The following NKAIN2 variants were observed in gnomAD, a reference collection of about 807,000 sequenced individuals.
NKAIN2 encodes the protein sodium/potassium transporting ATPase interacting 2.
NKAIN2 carries 14 observed loss-of-function variants against 32.6 expected under a neutral mutation model. That is an observed-to-expected ratio of 0.43 (90% confidence interval 0.28 to 0.67). NKAIN2 has a LOEUF of 0.67. Among genes scored for constraint, NKAIN2 ranks in the 30% least tolerant of loss-of-function variants. NKAIN2 has a pLI of 0.17. For synonymous variants in NKAIN2, 80 were observed against 87.2 expected (o/e 0.92, Z 0.46); for missense variants, 198 against 258.3 (o/e 0.77, Z 1.60).
chr6:123,942,097 C>T (rs377128514), intron 1 of NKAIN2, among the ~76,000 whole-genome samples: 43 of 152,014 alleles, frequency 2.8e-4, no homozygotes, highest in African/African-American at 9.2e-4. Flanking sequence ...TTATTTTTTA[C>T]GTATTGCTGA....
intron 1 of NKAIN2, among the ~76,000 whole-genome samples, chr6:124,171,547 A>AT (rs10665262): frequency 0.31 from 29,610 of 95,588 alleles, 5,929 homozygotes; most frequent in East Asian, 0.4. Flanking sequence ...GGCCGATTTG[A>AT]TTTTTTTTTT....
At chr6:123,989,482 T>G (rs555837012) in intron 1 of NKAIN2, among the ~76,000 whole-genome samples, 163 of 152,246 alleles carry the variant, frequency 1.1e-3, no homozygotes, top group African/African-American at 3.9e-3. Flanking sequence ...TAAACAGAAC[T>G]CTTGCTGGGT....
intron 1 of NKAIN2, among the ~76,000 whole-genome samples, chr6:124,203,376 A>T (rs1790684794): frequency 6.6e-6 from 1 of 151,862 alleles, no homozygotes; most frequent in Non-Finnish European, 1.5e-5. Flanking sequence ...TTTTTGTTTT[A>T]CTTTTGCAAT....
intron 1 of NKAIN2, among the ~76,000 whole-genome samples, chr6:123,922,677 T>A (rs1392847037): frequency 1.3e-5 from 2 of 152,116 alleles, no homozygotes; most frequent in Non-Finnish European, 2.9e-5. Context: ...ATTTTCTCAA[T>A]GTGCATGGAT....
chr6:123,891,123 G>A (rs1773992053), intron 1 of NKAIN2, among the ~76,000 whole-genome samples: 1 of 152,142 alleles, frequency 6.6e-6, no homozygotes, highest in Non-Finnish European at 1.5e-5. Context: ...TCACTTTATA[G>A]AGTGACTGGA....
intron 1 of NKAIN2, among the ~76,000 whole-genome samples, chr6:124,009,086 C>G (rs1167338652): frequency 6.6e-6 from 1 of 152,154 alleles, no homozygotes; most frequent in Non-Finnish European, 1.5e-5. Context: ...TAACACTGAT[C>G]ACCATAAATT....
intron 1 of NKAIN2, among the ~76,000 whole-genome samples, chr6:124,126,463 T>G (rs1010090110): frequency 3.3e-5 from 5 of 152,166 alleles, no homozygotes; most frequent in Non-Finnish European, 5.9e-5. Flanking sequence ...TTCACAAACT[T>G]TCATCATCAC....
chr6:124,711,423 T>G (rs924995005), intron 4 of NKAIN2, among the ~76,000 whole-genome samples: 14 of 149,210 alleles, frequency 9.4e-5, no homozygotes, highest in Admixed American at 6.7e-4. Context: ...TTTTCTAACT[T>G]GGTTCCATTC....
At chr6:124,688,003 A>C (rs1774070733) in intron 4 of NKAIN2, among the ~76,000 whole-genome samples, 1 of 151,916 alleles carries the variant, frequency 6.6e-6, no homozygotes, top group Non-Finnish European at 1.5e-5. Flanking sequence ...ATGCTTTTGA[A>C]AAACAATTTA....
At chr6:124,426,808 C>G (rs1180768116) in intron 3 of NKAIN2, among the ~76,000 whole-genome samples, 1 of 152,100 alleles carries the variant, frequency 6.6e-6, no homozygotes, top group Non-Finnish European at 1.5e-5. Context: ...TTTCCCATGC[C>G]ATTCTCATGA....
chr6:124,014,584 T>C (rs1780481266), intron 1 of NKAIN2, among the ~76,000 whole-genome samples: 1 of 152,076 alleles, frequency 6.6e-6, no homozygotes, highest in Non-Finnish European at 1.5e-5. Context: ...TCTAGGAGTC[T>C]ATGCTTTTCT....
chr6:124,667,562 A>G (rs1772865983), intron 4 of NKAIN2, among the ~76,000 whole-genome samples: 1 of 152,102 alleles, frequency 6.6e-6, no homozygotes, highest in Non-Finnish European at 1.5e-5. Context: ...TACTGTATAT[A>G]ATATTATTGC....
rs1485670293 is a variant in NKAIN2 at position 124,724,399 on chromosome 6, A to C, written c.474+66013A>C. 1.3e-5 allele frequency among the ~76,000 whole-genome samples: 2 copies of C among 152,224 alleles called. 1 individual carries two copies. The highest frequency in any genetic ancestry group is 6.3e-3 in the Middle Eastern group (2 of 316). On this transcript the variant is annotated intron_variant, in intron 4 of 6. Coordinates refer to ENST00000368417, the MANE Select transcript of NKAIN2 (RefSeq NM_001040214.3). ...TATAAGTTATTATATCTTCACTAGA[A>C]TATATCTCTTATTCACCATTCAGTG...
chr6:124,465,556 C>T (rs138873217), intron 3 of NKAIN2, among the ~76,000 whole-genome samples: 327 of 151,254 alleles, frequency 2.2e-3, no homozygotes, highest in African/African-American at 7.6e-3. Context: ...GTGCAGCAAA[C>T]CACCATGGCA....
At chr6:124,808,478 G>GT (rs1476621685) in intron 5 of NKAIN2, among the ~76,000 whole-genome samples, 2 of 152,104 alleles carry the variant, frequency 1.3e-5, no homozygotes, top group Non-Finnish European at 2.9e-5. Flanking sequence ...TTGATGGGAC[G>GT]TATCTCAAAA....
At chr6:124,069,777 T>A (rs1396160972) in intron 1 of NKAIN2, among the ~76,000 whole-genome samples, 1 of 152,158 alleles carries the variant, frequency 6.6e-6, no homozygotes, top group Non-Finnish European at 1.5e-5. Context: ...ACCAAGGACA[T>A]CTCTTGATGG....
At chr6:124,708,517 C>T (rs1411583965) in intron 4 of NKAIN2, among the ~76,000 whole-genome samples, 20 of 151,952 alleles carry the variant, frequency 1.3e-4, no homozygotes, top group African/African-American at 3.1e-4. Flanking sequence ...TTTTATTTCA[C>T]TGAGCAGTGG....
At chr6:123,895,091 T>G (rs1489932957) in intron 1 of NKAIN2, among the ~76,000 whole-genome samples, 2 of 151,640 alleles carry the variant, frequency 1.3e-5, no homozygotes, top group African/African-American at 4.8e-5. Flanking sequence ...CCTGCCCCTC[T>G]GTCCTACTGT....
chr6:124,008,142 G>A (rs1401492213), intron 1 of NKAIN2, among the ~76,000 whole-genome samples: 1 of 152,152 alleles, frequency 6.6e-6, no homozygotes, highest in African/African-American at 2.4e-5. Flanking sequence ...ACTAGGTTTT[G>A]TTGTTTGTTT....
Sources: allele counts gnomAD v4.1 joint callset (sites outside exome capture counted in the v4.1 genomes callset), GRCh38; gene constraint gnomAD v4.1.1; transcripts MANE v1.5; gene names NCBI Gene and HGNC (gene_info 2026-07-23, HGNC 2026-07-21).